Variants in ERC1 observed in about 807,000 individuals in gnomAD.
ERC1 encodes the protein RAB6 interacting protein 2.
ERC1 carries 56 observed loss-of-function variants against 132.0 expected under a neutral mutation model. The observed-to-expected ratio is 0.42, with a 90% CI of 0.34 to 0.53. ERC1 has a LOEUF of 0.53. Ranked by LOEUF, ERC1 falls within the 20% of genes least tolerant of loss-of-function variation. The pLI, the probability that ERC1 is intolerant of heterozygous loss-of-function variation, is 0.03. For synonymous variants in ERC1, 478 were observed against 476.1 expected (o/e 1.00, Z -0.05); for missense variants, 1,202 against 1,349.9 (o/e 0.89, Z 1.72).
chr12:1,073,627 C>T (rs1006312824), intron 2 of ERC1, among the ~76,000 whole-genome samples: 21 of 149,882 alleles, frequency 1.4e-4, no homozygotes, highest in African/African-American at 5.1e-5. Context: ...CCAGCCTGGG[C>T]GACAGAGCGA....
chr12:1,296,130 G>T (rs2154342657), intron 15 of ERC1, among the ~76,000 whole-genome samples: 1 of 151,946 alleles, frequency 6.6e-6, no homozygotes, highest in South Asian at 2.1e-4. Context: ...ATTTTAAAAT[G>T]GAAATTTGAC....
intron 1 of ERC1, chr12:1,020,553 G>A (rs1966203769): frequency 6.6e-6 from 1 of 152,226 alleles, no homozygotes; most frequent in Admixed American, 6.5e-5. Flanking sequence ...TTGCAGTCAA[G>A]ATGTTGACTG....
At chr12:1,370,072 A>G (rs901432376) in intron 15 of ERC1, among the ~76,000 whole-genome samples, 7 of 152,222 alleles carry the variant, frequency 4.6e-5, no homozygotes, top group Admixed American at 2.0e-4. Context: ...AACTTGGGCA[A>G]TGCATTCTCA....
At chr12:1,310,686 C>T (rs559725233) in intron 15 of ERC1, among the ~76,000 whole-genome samples, 1 of 152,332 alleles carries the variant, frequency 6.6e-6, no homozygotes, top group South Asian at 2.1e-4. Context: ...GATTGTGTAT[C>T]CCTTGCCAAA....
At chr12:1,225,633 T>C (rs2074520546) in intron 12 of ERC1, among the ~76,000 whole-genome samples, 4 of 152,238 alleles carry the variant, frequency 2.6e-5, no homozygotes, top group African/African-American at 9.6e-5. Flanking sequence ...TCGATATAAT[T>C]GTGATGGAAA....
intron 7 of ERC1, among the ~76,000 whole-genome samples, chr12:1,123,496 A>G (rs1290767192): frequency 6.6e-6 from 1 of 152,262 alleles, no homozygotes; most frequent in Non-Finnish European, 1.5e-5. Context: ...AAAAAGTAAC[A>G]GCAAAGTTAA....
chr12:1,425,035 C>A (rs1050650926), intron 17 of ERC1, among the ~76,000 whole-genome samples: 2 of 150,630 alleles, frequency 1.3e-5, no homozygotes, highest in African/African-American at 4.9e-5. Context: ...CTTTTTTTTT[C>A]TTTTCTTATT....
rs188907427 is a variant in ERC1, at chr12:1,490,153, G to A, written c.3274G>A (p.Ala1092Thr). 8.7e-6 allele frequency: 14 copies of A among 1,614,132 alleles called. No homozygotes were observed. Among genetic ancestry groups the A allele is most frequent in the Admixed American group, 5.0e-5 (3 of 60,018 alleles). Residue 1092 changes from alanine (A) to threonine (T), a missense_variant, in exon 19 of 19, where the codon GCC (alanine) becomes ACC (threonine). Ala to Thr is a moderately conservative substitution (Grantham distance 58). Transcript: ENST00000360905. Reference sequence around the variant, plus strand: ...TGCAGAACTGCAGGAGTTTGCCAACGCCATTCTTCAGCAGATAGCAGACCA... The same window carrying A: ...TGCAGAACTGCAGGAGTTTGCCAACACCATTCTTCAGCAGATAGCAGACCA... ...DNAELQEFANAILQQIADHCP... is the reference protein window; with the variant it reads ...DNAELQEFANTILQQIADHCP...
rs1321461675 is a variant in ERC1 at position 1,288,073 on chromosome 12, G to A, written c.2620-1779G>A. Among the ~76,000 whole-genome samples the A allele has an allele frequency of 2.6e-5, 4 of 152,262 alleles. No homozygotes were observed. The East Asian group carries it at 7.7e-4, about 29-fold the overall frequency. On this transcript the variant is annotated intron_variant, in intron 14 of 18. Coordinates refer to ENST00000360905, the MANE Select transcript of ERC1 (RefSeq NM_178040.4). ...TTTTCATAGAGATTATGTTGAACCTGTAGATCAGTATAGATTATGGTTCTT... is the reference window on the plus strand; with the variant it reads ...TTTTCATAGAGATTATGTTGAACCTATAGATCAGTATAGATTATGGTTCTT...
chr12:1,408,709 T>C (rs934511158), intron 17 of ERC1, among the ~76,000 whole-genome samples: 2 of 152,246 alleles, frequency 1.3e-5, no homozygotes, highest in East Asian at 1.9e-4. Context: ...AAAGTGAAGA[T>C]TGAAACTTAG....
chr12:1,200,307 C>T (rs1057056087), intron 12 of ERC1, among the ~76,000 whole-genome samples: 1 of 152,004 alleles, frequency 6.6e-6, no homozygotes, highest in Non-Finnish European at 1.5e-5. Context: ...ATTCTTTTCT[C>T]TTTGACTGAA....
chr12:1,246,605 T>G (rs1364417155), intron 13 of ERC1, among the ~76,000 whole-genome samples: 1 of 152,196 alleles, frequency 6.6e-6, no homozygotes, highest in Non-Finnish European at 1.5e-5. Context: ...GTTTATTTAT[T>G]TTAACAGAAG....
At chr12:1,367,108 T>A (rs866531368) in intron 15 of ERC1, among the ~76,000 whole-genome samples, 4 of 152,206 alleles carry the variant, frequency 2.6e-5, no homozygotes, top group African/African-American at 9.7e-5. Flanking sequence ...GGAAAAGAGA[T>A]AGAAGAGTAG....
intron 1 of ERC1, among the ~76,000 whole-genome samples, chr12:1,001,799 G>A (rs1012705465): frequency 1.4e-5 from 2 of 140,192 alleles, no homozygotes; most frequent in African/African-American, 5.3e-5. Context: ...TATTTAGGTT[G>A]TTTCTAGTTT....
intron 2 of ERC1, among the ~76,000 whole-genome samples, chr12:1,053,223 A>G (rs191216985): frequency 7.2e-5 from 11 of 152,364 alleles, no homozygotes; most frequent in African/African-American, 2.4e-4. Context: ...CAAGAGGGAA[A>G]AAGTATTAAT....
chr12:1,428,165 G>A (rs914174726), intron 17 of ERC1, among the ~76,000 whole-genome samples: 1 of 152,100 alleles, frequency 6.6e-6, no homozygotes, highest in African/African-American at 2.4e-5. Flanking sequence ...GGTATTATTT[G>A]TGATTTAGAC....
At chr12:1,447,399 C>T (rs536160828) in intron 18 of ERC1, among the ~76,000 whole-genome samples, 2 of 151,636 alleles carry the variant, frequency 1.3e-5, no homozygotes, top group East Asian at 3.9e-4. Context: ...GCCTGTAGTC[C>T]CAGCTGCTCA....
chr12:1,221,177 G>A (rs529691197), intron 12 of ERC1, among the ~76,000 whole-genome samples: 1 of 152,012 alleles, frequency 6.6e-6, no homozygotes, highest in East Asian at 1.9e-4. Context: ...CCATATTTTC[G>A]AAGATAGCAC....
chr12:1,196,970 ATATATATTTTTTTTTT>A (rs1956372218), intron 12 of ERC1, among the ~76,000 whole-genome samples: 1 of 60,690 alleles, frequency 1.6e-5, no homozygotes, highest in Non-Finnish European at 3.0e-5. Flanking sequence ...ACATATATAT[ATATATATTTTTTTTTT>A]TTTTTTTTTT....
Sources: allele counts gnomAD v4.1 joint callset (sites outside exome capture counted in the v4.1 genomes callset), GRCh38; gene constraint gnomAD v4.1.1; transcripts MANE v1.5; gene names NCBI Gene and HGNC (gene_info 2026-07-23, HGNC 2026-07-21).